AGAP1: variants seen among roughly 807,000 people sequenced by gnomAD.
AGAP1 encodes the protein arf-GAP with GTPase, ANK repeat and PH domain-containing protein 1.
In AGAP1, 29 loss-of-function variants were observed where a neutral mutation model predicts 105.3. The ratio of observed to expected loss-of-function variants is 0.28; its 90% CI spans 0.21 to 0.38. The LOEUF (loss-of-function observed/expected upper bound fraction) is 0.38. Ranked by LOEUF, AGAP1 falls within the 10% of genes least tolerant of loss-of-function variation. The probability of loss-of-function intolerance (pLI) is 1.00; values close to 1 mark genes in which losing one functional copy is unlikely to be tolerated. For synonymous variants in AGAP1, 509 were observed against 485.9 expected, an observed-to-expected ratio of 1.05 and a Z score of -0.63; for missense variants, 998 against 1,165.1, an observed-to-expected ratio of 0.86 and a Z score of 2.09.
At chr2:235,950,161 T>A (rs933119597) in intron 12 of AGAP1, among the ~76,000 whole-genome samples, 1 of 152,116 alleles carries the variant, frequency 6.6e-6, no homozygotes, top group African/African-American at 2.4e-5. Flanking sequence ...AAGTCTAGCC[T>A]GGGTTACGGC....
chr2:235,741,785 GC>G lies in AGAP1; in HGVS notation c.396+738del. 6.7e-6 allele frequency among the ~76,000 whole-genome samples: 1 copy of G among 148,346 alleles called. No homozygotes were observed. Among genetic ancestry groups the G allele is most frequent in the African/African-American group, 2.5e-5 (1 of 40,120 alleles). On this transcript the variant is annotated intron_variant, in intron 4 of 17. Coordinates refer to ENST00000304032, the MANE Select transcript of AGAP1 (RefSeq NM_001037131.3). This position sits in a 1 kb window ranked among gnomAD's most constrained non-coding sequence, Gnocchi z 4.9. Reference sequence around the variant, plus strand: ...TATTTTTTTTTTTTGAGACAGTCTCGCTCTGTTACCCAGGCTGGAGTGCAGT... The same window carrying G: ...TATTTTTTTTTTTTGAGACAGTCTCGTCTGTTACCCAGGCTGGAGTGCAGT...
At chr2:236,057,091 A>G (rs1466055481) in intron 16 of AGAP1, among the ~76,000 whole-genome samples, 1 of 152,144 alleles carries the variant, frequency 6.6e-6, no homozygotes, top group African/African-American at 2.4e-5. Flanking sequence ...AGCCTCTTCC[A>G]TTTTAGTTTA....
rs1316554019 is a variant in AGAP1 at position 236,005,047 on chromosome 2, T to C, written c.1646-31514T>C. 6.6e-6 allele frequency among the ~76,000 whole-genome samples: 1 copy of C among 152,196 alleles called. No individual in the cohort carries two copies. The highest frequency in any genetic ancestry group is 1.5e-5 in the Non-Finnish European group (1 of 68,028). On this transcript the variant is annotated intron_variant, in intron 13 of 17. Transcript: ENST00000304032. This position sits in a 1 kb window ranked among gnomAD's most constrained non-coding sequence, Gnocchi z 4.1. ...TGTTTTCTAGGAAAGCTTTAGACTT[T>C]TAGAAAAATTGAGGAGATATTATAG...
At chr2:235,626,208 A>AG (rs1946631210) in intron 1 of AGAP1, among the ~76,000 whole-genome samples, 1 of 151,454 alleles carries the variant, frequency 6.6e-6, no homozygotes, top group Admixed American at 6.6e-5. Flanking sequence ...AAAAAAAAAA[A>AG]TTAGCCGGTT....
Position 235,551,235 on chromosome 2 carries a change from T to C in AGAP1, c.163+56386T>C, listed in dbSNP as rs1293816064. Among the ~76,000 whole-genome samples, 1 of 152,196 alleles carries C rather than the reference T, an allele frequency of 6.6e-6. No homozygotes were observed. The highest frequency in any genetic ancestry group is 2.4e-5 in the African/African-American group (1 of 41,458). On this transcript the variant is annotated intron_variant, in intron 1 of 17. Transcript: ENST00000304032. This position sits in a 1 kb window ranked among gnomAD's most constrained non-coding sequence, Gnocchi z 4.8. ...GGTCTTCATGTCTCACTTGTATGCC[T>C]TCTTGGATCAGGATTTCCAGGCCTC...
At position 235,919,295 on chromosome 2, in the gene AGAP1, T is replaced by A. The variant is rs748718504; in HGVS notation, c.1324+10389T>A. 1.3e-5 allele frequency among the ~76,000 whole-genome samples: 2 copies of A among 152,240 alleles called. No individual in the cohort carries two copies. Among genetic ancestry groups the A allele is most frequent in the Non-Finnish European group, 2.9e-5 (2 of 68,044 alleles). ...TGCTTCCTGCAGTCCTTTCCCACAC[T>A]GGCAGAGGAGAGTTTTTCGAAGTAA... On this transcript the variant is annotated intron_variant, in intron 11 of 17. Transcript: ENST00000304032. The surrounding 1 kb of genome is among the most constrained non-coding windows in gnomAD (Gnocchi z 4.1).
chr2:235,916,220 C>T (rs983532367), intron 11 of AGAP1, among the ~76,000 whole-genome samples: 2 of 152,202 alleles, frequency 1.3e-5, no homozygotes, highest in Non-Finnish European at 2.9e-5. Context: ...ACCTTCCCTT[C>T]CTCATTCAAG....
At chr2:235,913,577 T>C (rs1356088415) in intron 11 of AGAP1, among the ~76,000 whole-genome samples, 1 of 152,238 alleles carries the variant, frequency 6.6e-6, no homozygotes, top group Non-Finnish European at 1.5e-5. Context: ...TTACCTTATG[T>C]AGATTTACCA....
chr2:236,087,820 G>A lies in AGAP1; in HGVS notation c.2115-32372G>A, dbSNP rs1204444381. Among the ~76,000 whole-genome samples the A allele has an allele frequency of 6.6e-6, 1 of 152,172 alleles. No homozygotes were observed. The highest frequency in any genetic ancestry group is 2.4e-5 in the African/African-American group (1 of 41,430). ...TTTAATATCACAAGGCTTTTGAATG[G>A]GCTATGGGGAGGAATAGACCAGAGG... On this transcript the variant is annotated intron_variant, in intron 16 of 17. Coordinates refer to ENST00000304032, the MANE Select transcript of AGAP1 (RefSeq NM_001037131.3). This position sits in a 1 kb window ranked among gnomAD's most constrained non-coding sequence, Gnocchi z 5.7.
At chr2:236,054,332 A>C (rs570798684) in intron 16 of AGAP1, among the ~76,000 whole-genome samples, 25 of 152,262 alleles carry the variant, frequency 1.6e-4, no homozygotes, top group South Asian at 1.0e-3. Flanking sequence ...GCACTGTTCC[A>C]AATGTGGCCT....
At chr2:236,068,896 A>G (rs555870331) in intron 16 of AGAP1, among the ~76,000 whole-genome samples, 2 of 150,998 alleles carry the variant, frequency 1.3e-5, no homozygotes, top group African/African-American at 4.9e-5. Context: ...TGGGAGGCCA[A>G]GGCAGGCGGA....
rs1946148430 is a variant in AGAP1, at chr2:235,612,148, G to T, written c.164-97031G>T. Among the ~76,000 whole-genome samples the T allele has an allele frequency of 6.6e-6, 1 of 152,160 alleles. No individual in the cohort carries two copies. Among genetic ancestry groups the T allele is most frequent in the Non-Finnish European group, 1.5e-5 (1 of 68,022 alleles). The stretch of plus-strand genomic sequence containing the variant: ...GACTTTGTTTTCCAGATGGCTTATT[G>T]TTTCACACGTTTTCTTTTCTCAGTG... On this transcript the variant is annotated intron_variant, in intron 1 of 17. Transcript: ENST00000304032. The surrounding 1 kb of genome is among the most constrained non-coding windows in gnomAD (Gnocchi z 4.3).
rs1282196456 is a variant in AGAP1 at position 235,842,852 on chromosome 2, C to T, written c.1050+35521C>T. 2.0e-5 allele frequency among the ~76,000 whole-genome samples: 3 copies of T among 152,000 alleles called. No homozygotes were observed. The highest frequency in any genetic ancestry group is 6.6e-5 in the Admixed American group (1 of 15,264). On this transcript the variant is annotated intron_variant, in intron 9 of 17. Transcript: ENST00000304032. The surrounding 1 kb of genome is among the most constrained non-coding windows in gnomAD (Gnocchi z 5.3). ...AAGTGATTCTTCTGCCTCAGCCTCC[C>T]GACTAGCTGGGATTATAGGCATGTG...
Position 236,120,529 on chromosome 2 carries a change from G to A in AGAP1, c.2370+82G>A. ...GTTCTGCTTCCGTGGGCATCTTTCT[G>A]GCAGAAGGCTGTTGTTCTCGATCTG... On this transcript the variant is annotated intron_variant, in intron 17 of 17. Transcript: ENST00000304032. This position sits in a 1 kb window ranked among gnomAD's most constrained non-coding sequence, Gnocchi z 6.0. The A allele has an allele frequency of 4.4e-6, 7 of 1,576,922 alleles. No homozygotes were observed. Among genetic ancestry groups the A allele is most frequent in the Non-Finnish European group, 6.0e-6 (7 of 1,163,736 alleles).
At chr2:235,703,073 G>A (rs1332980412) in intron 1 of AGAP1, among the ~76,000 whole-genome samples, 4 of 151,524 alleles carry the variant, frequency 2.6e-5, no homozygotes, top group African/African-American at 7.3e-5. Context: ...GATTACAGGC[G>A]CACACCACCT....
Position 235,720,953 on chromosome 2 carries a change from T to C in AGAP1, c.310+3309T>C, listed in dbSNP as rs1352699394. On this transcript the variant is annotated intron_variant, in intron 3 of 17. Transcript: ENST00000304032. This position sits in a 1 kb window ranked among gnomAD's most constrained non-coding sequence, Gnocchi z 5.0. ...TCGTTGTATGATGCATTTTGGTTGA[T>C]ATTTTATTCTTGTAGTGAAGAGAGC... 6.6e-6 allele frequency among the ~76,000 whole-genome samples: 1 copy of C among 152,220 alleles called. No homozygotes were observed. The highest frequency in any genetic ancestry group is 1.5e-5 in the Non-Finnish European group (1 of 68,030).
At position 236,040,320 on chromosome 2, in the gene AGAP1, T is replaced by G. The variant is rs148505864; in HGVS notation, c.1801-431T>G. Reference sequence around the variant, plus strand: ...AATGGGGTTTTCTGACAAGGAACCATGAGATATGTCTTACATTGCTGATGA... The same window carrying G: ...AATGGGGTTTTCTGACAAGGAACCAGGAGATATGTCTTACATTGCTGATGA... On this transcript the variant is annotated intron_variant, in intron 14 of 17. Transcript: ENST00000304032. This position sits in a 1 kb window ranked among gnomAD's most constrained non-coding sequence, Gnocchi z 5.6. Among the ~76,000 whole-genome samples the G allele has an allele frequency of 2.4e-4, 36 of 152,194 alleles. No homozygotes were observed. In the East Asian group the frequency reaches 6.4e-3, roughly 27 times the overall value.
In AGAP1 at chr2:236,036,502, C is replaced by T. The variant is rs567608072; in HGVS notation, c.1646-59C>T. On this transcript the variant is annotated intron_variant, in intron 13 of 17. Transcript: ENST00000304032. This position sits in a 1 kb window ranked among gnomAD's most constrained non-coding sequence, Gnocchi z 5.7. ...AGAGGCGCTTCTGTGACAGAGGGCC[C>T]GCAGGGGGACTGCTGTCTCATAAAA... is the stretch of plus-strand genomic sequence containing the variant. 2.1e-5 allele frequency: 34 copies of T among 1,588,092 alleles called. No homozygotes were observed. Among genetic ancestry groups the T allele is most frequent in the Middle Eastern group, 3.4e-4 (2 of 5,912 alleles).
intron 16 of AGAP1, among the ~76,000 whole-genome samples, chr2:236,110,372 A>G (rs2059611993): frequency 6.9e-6 from 1 of 145,716 alleles, no homozygotes; most frequent in East Asian, 2.0e-4. Context: ...CTAAAAGAAA[A>G]GAAAAAGACC....
Sources: allele counts gnomAD v4.1 joint callset (sites outside exome capture counted in the v4.1 genomes callset), GRCh38; gene constraint gnomAD v4.1.1; non-coding constraint Gnocchi (gnomAD v3.1); transcripts MANE v1.5; gene names NCBI Gene and HGNC (gene_info 2026-07-23, HGNC 2026-07-21).